RASGRP3: variants seen among roughly 807,000 people sequenced by gnomAD.
RASGRP3 encodes RAS guanyl releasing protein 3.
Under a neutral mutation model 82.7 loss-of-function variants are expected in RASGRP3, and 54 were observed. That is an observed-to-expected ratio of 0.65 (90% CI 0.52 to 0.82). The LOEUF (loss-of-function observed/expected upper bound fraction) is 0.82, where lower values mean the gene tolerates loss of function less well. Ranked by LOEUF, RASGRP3 falls within the 40% of genes least tolerant of loss-of-function variation. The pLI is 0.00. For missense variants in RASGRP3, 861 were observed against 828.9 expected (o/e 1.04, Z -0.48); for synonymous variants, 309 against 300.5 (o/e 1.03, Z -0.29).
At chr2:33,469,053 T>C (rs950791722) in intron 2 of RASGRP3, among the ~76,000 whole-genome samples, 7 of 152,210 alleles carry the variant, frequency 4.6e-5, no homozygotes, top group Non-Finnish European at 1.0e-4. Context: ...GTCAAGTTTA[T>C]AGATAATAAA....
chr2:33,555,756 A>G (rs961287625), intron 15 of RASGRP3, among the ~76,000 whole-genome samples, 189 bp downstream of exon 15: 2 of 151,864 alleles, frequency 1.3e-5, no homozygotes, highest in Non-Finnish European at 2.9e-5. Flanking sequence ...TTGGAATTTT[A>G]TAGCTTGTTA....
chr2:33,497,709 C>T (rs1049816335), intron 1 of RASGRP3, among the ~76,000 whole-genome samples: 1 of 152,116 alleles, frequency 6.6e-6, no homozygotes, highest in Non-Finnish European at 1.5e-5. Flanking sequence ...TTTGTATTCC[C>T]TTGAGTACTT....
In RASGRP3 at chr2:33,537,330, C is replaced by CCACACA. The variant is rs1553359126; in HGVS notation, c.1162-1755_1162-1750dup. 2.6e-4 allele frequency among the ~76,000 whole-genome samples: 25 copies of CCACACA among 95,714 alleles called. 1 individual carries two copies. The highest frequency in any genetic ancestry group is 6.1e-4 in the Admixed American group (5 of 8,202). 62.8% of individuals were successfully genotyped at this position (95,714 alleles called of 152,430 possible). A position where few individuals can be genotyped will look rare whatever the true frequency, so the allele number is the denominator to read the frequency against. ...TACACACACACACACACCGCCCCCC[C>CCACACA]CACACACACACACAAGTATATATAT... On this transcript the variant is annotated intron_variant, in intron 11 of 17. Transcript: ENST00000403687.
At chr2:33,523,255 A>G (rs1183744027) in intron 7 of RASGRP3, among the ~76,000 whole-genome samples, 1 of 152,126 alleles carries the variant, frequency 6.6e-6, no homozygotes, top group Non-Finnish European at 1.5e-5. Flanking sequence ...TGAGGTCAAG[A>G]GATCGAGACC....
intron 14 of RASGRP3, 48 bp from the exon 15 acceptor site, chr2:33,555,483 C>G (rs779791315): frequency 6.6e-7 from 1 of 1,523,388 alleles, no homozygotes; most frequent in Admixed American, 1.8e-5. Context: ...TGTTTTCCTT[C>G]CAGATCTATC....
intron 1 of RASGRP3, among the ~76,000 whole-genome samples, chr2:33,498,614 T>A (rs2150974043): frequency 6.6e-6 from 1 of 152,306 alleles, no homozygotes; most frequent in Non-Finnish European, 1.5e-5. Flanking sequence ...CTTGAAGACC[T>A]CACCATCCTC....
chr2:33,526,218 T>C (rs987392537), intron 9 of RASGRP3, among the ~76,000 whole-genome samples: 4 of 152,230 alleles, frequency 2.6e-5, no homozygotes, highest in Admixed American at 6.5e-5. Context: ...ATTACTCTGA[T>C]GATAAATCAA....
chr2:33,476,168 AC>A (rs1667349600), upstream of RASGRP3: 1 of 152,240 alleles, frequency 6.6e-6, no homozygotes, highest in South Asian at 2.1e-4. Context: ...GGCTCGTCTA[AC>A]AAACTGGAGC....
intron 10 of RASGRP3, among the ~76,000 whole-genome samples, chr2:33,530,178 G>A (rs1436921809): frequency 6.6e-6 from 1 of 152,134 alleles, no homozygotes; most frequent in African/African-American, 2.4e-5. Context: ...TGCCAGCATT[G>A]GAAGGGGTGA....
Position 33,562,998 on chromosome 2 carries a change from T to C in RASGRP3, c.*261T>C, listed in dbSNP as rs111235297. The C allele has an allele frequency of 2.4e-6, 1 of 410,604 alleles. No individual in the cohort carries two copies. 25.4% of individuals were successfully genotyped at this position (410,604 alleles called of 1,614,324 possible). On this transcript the variant is annotated 3_prime_UTR_variant, in exon 18 of 18. Transcript: ENST00000403687. ...ACTGTGTTATGTAGTCAGTACTTTT[T>C]TCTCATGTATCTTTCTCTAGACCAT...
At chr2:33,471,348 T>TC (rs1667052540) in intron 2 of RASGRP3, among the ~76,000 whole-genome samples, 1 of 146,368 alleles carries the variant, frequency 6.8e-6, no homozygotes, top group Non-Finnish European at 1.5e-5. Context: ...GCTATTTTTT[T>TC]TTTTTTTTTT....
intron 9 of RASGRP3, among the ~76,000 whole-genome samples, chr2:33,526,641 A>G (rs905948785): frequency 6.6e-6 from 1 of 152,244 alleles, no homozygotes. Flanking sequence ...GGCCCAAAAA[A>G]GTGAAGTGAC....
chr2:33,520,825 G>T (rs751664390), intron 6 of RASGRP3, 141 bp downstream of exon 6: 22 of 1,159,110 alleles, frequency 1.9e-5, no homozygotes, highest in Non-Finnish European at 2.6e-5. Flanking sequence ...TGCAGTGAGC[G>T]CAAGCCGTAT....
intron 13 of RASGRP3, among the ~76,000 whole-genome samples, chr2:33,545,946 G>A (rs2151083349): frequency 6.6e-6 from 1 of 151,964 alleles, no homozygotes; most frequent in Non-Finnish European, 1.5e-5. Context: ...CTGGTTATAG[G>A]CATGCACCAC....
rs113516741 is a variant in RASGRP3 at position 33,470,473 on chromosome 2, G to A, written c.-261+22530G>A. On this transcript the variant is annotated intron_variant, in intron 2 of 18. Transcript: ENST00000402538. ...CAGCTCACTGCAAGCTCCGCCTGAC[G>A]GGTTCACGCCATTTTCCTGCCTCAG... 7.8e-3 allele frequency among the ~76,000 whole-genome samples: 1,176 copies of A among 151,600 alleles called. 17 individuals carry two copies. The highest frequency in any genetic ancestry group is 0.025 in the African/African-American group (1,047 of 41,286).
chr2:33,525,573 G>A (rs891297120), intron 9 of RASGRP3, among the ~76,000 whole-genome samples: 1 of 151,706 alleles, frequency 6.6e-6, no homozygotes, highest in African/African-American at 2.4e-5. Flanking sequence ...ATAAGCAAAT[G>A]TATCGTCCAT....
At chr2:33,501,837 G>C (rs1669902180) in intron 1 of RASGRP3, among the ~76,000 whole-genome samples, 1 of 152,204 alleles carries the variant, frequency 6.6e-6, no homozygotes, top group South Asian at 2.1e-4. Context: ...CCAGGGAAGA[G>C]ATGTTGCCAG....
intron 14 of RASGRP3, 135 bp from the exon 15 acceptor site, chr2:33,555,396 A>T (rs746633508): frequency 1.7e-6 from 1 of 577,030 alleles, no homozygotes; most frequent in Non-Finnish European, 3.0e-6. Context: ...TCTGGCAGGA[A>T]GGGTGTTAAA....
chr2:33,461,557 C>T (rs370306446), intron 2 of RASGRP3, among the ~76,000 whole-genome samples: 1 of 152,218 alleles, frequency 6.6e-6, no homozygotes, highest in Non-Finnish European at 1.5e-5. Flanking sequence ...GGATTGCAGG[C>T]GTGAGCCAAT....
Sources: allele counts gnomAD v4.1 joint callset (sites outside exome capture counted in the v4.1 genomes callset), GRCh38; gene constraint gnomAD v4.1.1; transcripts MANE v1.5; gene names NCBI Gene and HGNC (gene_info 2026-07-23, HGNC 2026-07-21).